APC2: variants seen among roughly 807,000 people sequenced by gnomAD.
APC2 encodes adenomatous polyposis coli protein 2.
Under a neutral mutation model 72.5 loss-of-function variants are expected in APC2, and 41 were observed. The observed-to-expected ratio is 0.57, with a 90% confidence interval of 0.44 to 0.73. The LOEUF is 0.73. APC2 is among the 30% of genes least tolerant of loss of function. APC2 has a pLI of 0.00. For synonymous variants in APC2, 1,898 were observed against 1,612.0 expected (o/e 1.18, Z -4.25); for missense variants, 3,729 against 3,403.4 (o/e 1.10, Z -2.38).
chr19:1,457,955 G>A lies in APC2; in HGVS notation c.1208-10G>A. Reference sequence around the variant, plus strand: ...GAATGGGGGCTCTGATCTGGTCCCTGTGCCCACAGCCCCGATCCCCATCGA... The same window carrying A: ...GAATGGGGGCTCTGATCTGGTCCCTATGCCCACAGCCCCGATCCCCATCGA... On this transcript the variant is annotated splice_polypyrimidine_tract_variant and intron_variant, in intron 9 of 14. Coordinates refer to ENST00000590469, the MANE Select transcript of APC2 (RefSeq NM_005883.3). 6.5e-7 allele frequency: 1 copy of A among 1,548,782 alleles called. No homozygotes were observed. The highest frequency in any genetic ancestry group is 1.2e-5 in the South Asian group (1 of 84,094).
Position 1,466,778 on chromosome 19 carries a change from G to A in APC2, c.3477G>A (p.Leu1159=). The part of the protein sequence containing the change: ...ENYVQETPLV[L]SRCSSVSSLG... ...ACGTGCAGGAGACACCGCTTGTGCTGAGCCGCTGCAGCTCTGTGAGCTCGC... is the reference window on the plus strand; with the variant it reads ...ACGTGCAGGAGACACCGCTTGTGCTAAGCCGCTGCAGCTCTGTGAGCTCGC... Residue 1159 remains leucine, a synonymous_variant, in exon 15 of 15, where the codon CTG becomes CTA. Coordinates refer to ENST00000590469, the MANE Select transcript of APC2 (RefSeq NM_005883.3). 5 of 1,550,204 alleles carry A rather than the reference G, an allele frequency of 3.2e-6. No homozygotes were observed. The highest frequency in any genetic ancestry group is 4.4e-6 in the Non-Finnish European group (5 of 1,147,780).
At position 1,458,081 on chromosome 19, in the gene APC2, G is replaced by A. The variant is rs558054376; in HGVS notation, c.1303+21G>A. 3 of 1,550,968 alleles carry A rather than the reference G, an allele frequency of 1.9e-6. No homozygotes were observed. In the African/African-American group the frequency reaches 4.1e-5, roughly 21 times the overall value. ...GCTAGGTGAGTGTCCCAGGTCCTCT[G>A]GGAAGCCATCCTCCAGCCCCCGAAC... is the stretch of plus-strand genomic sequence containing the variant. On this transcript the variant is annotated intron_variant, in intron 10 of 14. Coordinates refer to ENST00000590469, the MANE Select transcript of APC2 (RefSeq NM_005883.3).
chr19:1,469,179 G>T lies in APC2; in HGVS notation c.5878G>T (p.Glu1960Ter). ...EPGPRGRAGT[E>*]AGPGARGGRL... Reference sequence around the variant, plus strand: ...GGGCCCCAGGGGCCGGGCGGGGACCGAGGCGGGCCCGGGGGCGCGCGGGGG... The same window carrying T: ...GGGCCCCAGGGGCCGGGCGGGGACCTAGGCGGGCCCGGGGGCGCGCGGGGG... The change falls in exon 15 of 15, where the codon GAG becomes TAG. Residue 1960 changes from glutamate (E) to a stop codon, truncating the protein, a stop_gained. Coordinates refer to ENST00000590469, the MANE Select transcript of APC2 (RefSeq NM_005883.3). LOFTEE classifies it low-confidence loss of function (END_TRUNC). 1 of 1,284,312 alleles carries T rather than the reference G, an allele frequency of 7.8e-7. No individual in the cohort carries two copies. Among genetic ancestry groups the T allele is most frequent in the South Asian group, 2.5e-5 (1 of 40,428 alleles). 79.6% of individuals were successfully genotyped at this position (1,284,312 alleles called of 1,614,324 possible).
In APC2 at chr19:1,470,231, C is replaced by G. The variant is rs949811262; in HGVS notation, c.*18C>G. On this transcript the variant is annotated 3_prime_UTR_variant, in exon 15 of 15. Transcript: ENST00000590469. The stretch of plus-strand genomic sequence containing the variant: ...TGGAATAGTGGCCTAGGCCGGCCTT[C>G]TGGAACGTTCTCTCCCGGCCCTGCG... The G allele has an allele frequency of 4.5e-6, 7 of 1,564,182 alleles. No homozygotes were observed. Among genetic ancestry groups the G allele is most frequent in the African/African-American group, 1.4e-5 (1 of 73,156 alleles).
In APC2 at chr19:1,460,830, G is replaced by A; in HGVS notation, c.1494G>A (p.Leu498=). ...GCATGGAGGCCATCGTGGCCCAGCT[G>A]GCCTCCGACAGTGAGGAGCTCCACC... ...RGCMEAIVAQ[L]ASDSEELHQV... The change falls in exon 12 of 15, where the codon CTG becomes CTA. Residue 498 remains leucine (L), a synonymous_variant. Transcript: ENST00000590469. 1 of 1,613,170 alleles carries A rather than the reference G, an allele frequency of 6.2e-7. No individual in the cohort carries two copies. The highest frequency in any genetic ancestry group is 8.5e-7 in the Non-Finnish European group (1 of 1,179,952).
At chr19:1,461,450 G>C in intron 13 of APC2, 1 of 473,098 alleles carries the variant, frequency 2.1e-6, no homozygotes, top group Non-Finnish European at 3.8e-6. Context: ...GCGCCTGTTA[G>C]TCCAGCTACT....
intron 11 of APC2, 109 bp downstream of exon 11, chr19:1,460,429 C>A: frequency 6.6e-7 from 1 of 1,507,986 alleles, no homozygotes; most frequent in Non-Finnish European, 9.1e-7. Flanking sequence ...GCTGGGGCCA[C>A]TTGTCCCCAA....
chr19:1,447,961 G>T (rs569682252), upstream of APC2, among the ~76,000 whole-genome samples: 14 of 152,246 alleles, frequency 9.2e-5, no homozygotes, highest in South Asian at 2.9e-3. Context: ...TACACAGGGA[G>T]GTGGGACTTA....
Position 1,468,062 on chromosome 19 carries a change from C to G in APC2, c.4761C>G (p.Ser1587Arg), listed in dbSNP as rs1331266293. The change falls in exon 15 of 15, where the codon AGC becomes AGG. Residue 1587 changes from serine to arginine, a missense_variant. Ser to Arg is a moderately radical substitution (Grantham distance 110). Transcript: ENST00000590469. The stretch of plus-strand genomic sequence containing the variant: ...TGAGCTCCTCCGCCAGCTCCCTCAG[C>G]GAGCCCGAGCCCTCGGAGCCGCCGG... ...YSLSSSASSL[S>R]EPEPSEPPAV... is the part of the protein sequence containing the mutation. The G allele has an allele frequency of 1.9e-6, 3 of 1,569,064 alleles. No homozygotes were observed. The highest frequency in any genetic ancestry group is 2.4e-5 in the East Asian group (1 of 41,396).
Position 1,462,094 on chromosome 19 carries a change from G to A in APC2, c.1770G>A (p.Gln590=), listed in dbSNP as rs765627759. The change falls in exon 14 of 15, where the codon CAG becomes CAA. Residue 590 remains glutamine, a synonymous_variant. Transcript: ENST00000590469. ...FLVSTLTYKC[Q]SNSLAIIESG... ...TGAGCACCCTGACCTACAAGTGTCA[G>A]AGCAACTCGCTGGCCATCATCGAGA... 1 of 1,612,984 alleles carries A rather than the reference G, an allele frequency of 6.2e-7. No individual in the cohort carries two copies. Among genetic ancestry groups the A allele is most frequent in the Admixed American group, 1.7e-5 (1 of 60,018 alleles).
chr19:1,466,078 G>C lies in APC2; in HGVS notation c.2777G>C (p.Ser926Thr). 1 of 1,526,982 alleles carries C rather than the reference G, an allele frequency of 6.5e-7. No individual in the cohort carries two copies. The highest frequency in any genetic ancestry group is 8.7e-7 in the Non-Finnish European group (1 of 1,146,424). 94.6% of individuals were successfully genotyped at this position (1,526,982 alleles called of 1,614,324 possible). ...KAAHASLSND[S>T]LNSGSASDGY... The stretch of plus-strand genomic sequence containing the variant: ...GCCCACGCCAGCCTCTCCAACGACA[G>C]CCTCAACAGCGGCAGTGCCAGCGAC... The change falls in exon 15 of 15, where the codon AGC becomes ACC. Residue 926 changes from serine (S) to threonine (T), a missense_variant. Transcript: ENST00000590469.
At chr19:1,464,793 C>T (rs2083980120) in intron 14 of APC2, among the ~76,000 whole-genome samples, 2 of 151,578 alleles carry the variant, frequency 1.3e-5, no homozygotes, top group Non-Finnish European at 1.5e-5. Flanking sequence ...CCACCACACC[C>T]AGCTAATTTT....
At chr19:1,457,459 C>CTGAATGCA (rs767232516) in intron 9 of APC2, 16 of 648,836 alleles carry the variant, frequency 2.5e-5, no homozygotes, top group Non-Finnish European at 3.2e-5. Flanking sequence ...CGGGAAGTCG[C>CTGAATGCA]TGAATGCATG....
At position 1,469,796 on chromosome 19, in the gene APC2, G is replaced by A. The variant is rs1353492233; in HGVS notation, c.6495G>A (p.Thr2165=). 2.6e-6 allele frequency: 4 copies of A among 1,518,784 alleles called. No homozygotes were observed. In the Admixed American group the frequency reaches 6.0e-5, roughly 23 times the overall value. 94.1% of individuals were successfully genotyped at this position (1,518,784 alleles called of 1,614,324 possible). A position where few individuals can be genotyped will look rare whatever the true frequency, so the allele number is the denominator to read the frequency against. ...PHILRSTLPA[T]ALPLRGSTPE... ...TCCTGCGCAGCACGCTTCCCGCCAC[G>A]GCCCTGCCACTGCGGGGCTCCACGC... Residue 2165 remains threonine (T), a synonymous_variant, in exon 15 of 15, where the codon ACG becomes ACA. Coordinates refer to ENST00000590469, the MANE Select transcript of APC2 (RefSeq NM_005883.3).
intron 10 of APC2, 101 bp downstream of exon 10, chr19:1,458,161 G>A (rs1197092877): frequency 8.8e-7 from 1 of 1,135,580 alleles, no homozygotes; most frequent in South Asian, 1.4e-5. Context: ...CTGAGCTTGG[G>A]CTGGGGATTG....
chr19:1,468,325 C>G lies in APC2; in HGVS notation c.5024C>G (p.Ser1675Trp). ...SRERGEEAAG[S>W]DRASDLDSVE... ...GAACGCGGCGAGGAGGCAGCGGGCT[C>G]GGACCGGGCCTCCGACCTGGATAGC... The change falls in exon 15 of 15, where the codon TCG (serine) becomes TGG (tryptophan). Residue 1675 changes from serine to tryptophan, a missense_variant. By Grantham distance (177) the Ser-to-Trp change is radical. Transcript: ENST00000590469. The G allele has an allele frequency of 6.4e-7, 1 of 1,553,222 alleles. No individual in the cohort carries two copies. The highest frequency in any genetic ancestry group is 8.7e-7 in the Non-Finnish European group (1 of 1,150,008).
upstream of APC2, chr19:1,446,304 T>A (rs1351302351): frequency 2.0e-6 from 2 of 983,434 alleles, no homozygotes; most frequent in Non-Finnish European, 2.4e-6. The surrounding 1 kb of genome is among the most constrained non-coding windows in gnomAD (Gnocchi z 6.1). Flanking sequence ...CTCCTGGGGC[T>A]CCTGAGCCTG....
At chr19:1,465,043 TCCAAACCTAA>T in intron 14 of APC2, 102 bp from the exon 15 acceptor site, 1 of 1,225,322 alleles carries the variant, frequency 8.2e-7, no homozygotes, top group Admixed American at 2.7e-5. Flanking sequence ...CTTTCCAAGA[TCCAAACCTAA>T]CCAGATGCGT....
In APC2 at chr19:1,456,544, C is replaced by T. The variant is rs2083830322; in HGVS notation, c.816+140C>T. On this transcript the variant is annotated intron_variant, in intron 8 of 14. Coordinates refer to ENST00000590469, the MANE Select transcript of APC2 (RefSeq NM_005883.3). ...GGTGTAGGAAGGCCCCTCTGGCGTGCAGCTCATGCAGAAGCTGCGGGCCTG... is the reference window on the plus strand; with the variant it reads ...GGTGTAGGAAGGCCCCTCTGGCGTGTAGCTCATGCAGAAGCTGCGGGCCTG... 12 of 969,644 alleles carry T rather than the reference C, an allele frequency of 1.2e-5. No individual in the cohort carries two copies. The South Asian group carries it at 1.4e-4, about 11-fold the overall frequency. 60.1% of individuals were successfully genotyped at this position (969,644 alleles called of 1,614,324 possible).
Sources: gnomAD v4.1 joint callset for allele counts (sites outside exome capture counted in the v4.1 genomes callset) on GRCh38, gnomAD v4.1.1 for gene constraint, Gnocchi (gnomAD v3.1) non-coding constraint, MANE v1.5 for transcripts, NCBI Gene and HGNC (gene_info 2026-07-23, HGNC 2026-07-21) for gene names.